Variants in ANKRD44 observed in about 807,000 individuals in gnomAD.
The protein encoded by ANKRD44 is ankyrin repeat domain 44.
A neutral mutation model predicts 116.0 loss-of-function variants in ANKRD44; 35 were observed. The observed-to-expected ratio is 0.30, with a 90% CI of 0.23 to 0.40. ANKRD44 has a LOEUF of 0.40. ANKRD44 is among the 10% of genes least tolerant of loss of function. The probability of loss-of-function intolerance (pLI) is 1.00; values close to 1 mark genes in which losing one functional copy is unlikely to be tolerated. For missense variants in ANKRD44, 1,014 were observed against 1,242.6 expected, an observed-to-expected ratio of 0.82 and a Z score of 2.77; for synonymous variants, 435 against 461.8, an observed-to-expected ratio of 0.94 and a Z score of 0.74.
intron 25 of ANKRD44, 78 bp from the exon 26 acceptor site, chr2:196,995,539 T>G (rs537570192): frequency 1.8e-6 from 2 of 1,105,136 alleles, no homozygotes; most frequent in African/African-American, 3.1e-5. Flanking sequence ...CATTATGATT[T>G]AAATTGAAAA....
chr2:197,120,728 A>G (rs1321488305), intron 8 of ANKRD44, among the ~76,000 whole-genome samples: 1 of 152,110 alleles, frequency 6.6e-6, no homozygotes, highest in Non-Finnish European at 1.5e-5. Context: ...CAGGCCTACA[A>G]TCATTATTAG....
At chr2:197,303,299 G>A (rs1421897745) in intron 1 of ANKRD44, among the ~76,000 whole-genome samples, 1 of 152,202 alleles carries the variant, frequency 6.6e-6, no homozygotes, top group Non-Finnish European at 1.5e-5. Context: ...GTTAGAGCTT[G>A]GAAGAATTTA....
intron 1 of ANKRD44, among the ~76,000 whole-genome samples, chr2:197,258,270 C>CTTTTTT (rs71395680): frequency 1.1e-3 from 84 of 79,224 alleles, no homozygotes; most frequent in Admixed American, 1.7e-3. Flanking sequence ...TTGGCTAATC[C>CTTTTTT]TTTTTTTTTT....
intron 16 of ANKRD44, among the ~76,000 whole-genome samples, chr2:197,045,174 T>C (rs1574340828): frequency 6.6e-6 from 1 of 152,112 alleles, no homozygotes; most frequent in South Asian, 2.1e-4. Flanking sequence ...TTCATGGCTG[T>C]CTTGTCTTTG....
At position 197,182,631 on chromosome 2, in the gene ANKRD44, G is replaced by A. The variant is rs560893028; in HGVS notation, c.111+4392C>T. Among the ~76,000 whole-genome samples, 180 of 152,278 alleles carry A rather than the reference G, an allele frequency of 1.2e-3. 1 individual carries two copies. Among genetic ancestry groups the A allele is most frequent in the African/African-American group, 4.1e-3 (171 of 41,528 alleles). ...ATACAGTTTTCCCTCAGTATATGTG[G>A]GACATTGGTTCCAGGACCCCCACAT... On this transcript the variant is annotated intron_variant, in intron 2 of 27. Coordinates refer to ENST00000282272, the MANE Select transcript of ANKRD44 (RefSeq NM_001195144.2).
chr2:197,208,632 C>G (rs1377746350), intron 1 of ANKRD44, among the ~76,000 whole-genome samples: 1 of 151,974 alleles, frequency 6.6e-6, no homozygotes, highest in Non-Finnish European at 1.5e-5. Flanking sequence ...AACCCCGTCT[C>G]TACTAAAAAT....
intron 16 of ANKRD44, among the ~76,000 whole-genome samples, chr2:197,069,168 A>C (rs990776356): frequency 8.5e-5 from 13 of 152,126 alleles, no homozygotes; most frequent in Non-Finnish European, 1.6e-4. Context: ...TGAAGCTGGA[A>C]ACCATCATTC....
intron 17 of ANKRD44, among the ~76,000 whole-genome samples, chr2:197,022,889 C>G (rs1290800122): frequency 2.6e-5 from 4 of 152,182 alleles, no homozygotes; most frequent in African/African-American, 9.7e-5. Context: ...TCTCCCTGAT[C>G]CCATTTCATT....
At chr2:197,145,422 C>T (rs981782649) in intron 3 of ANKRD44, among the ~76,000 whole-genome samples, 4 of 152,144 alleles carry the variant, frequency 2.6e-5, no homozygotes, top group Non-Finnish European at 5.9e-5. Flanking sequence ...CTACAATTTT[C>T]CACGGGCCAA....
intron 20 of ANKRD44, 64 bp downstream of exon 20, chr2:197,007,742 G>A (rs2076225659): frequency 1.8e-6 from 2 of 1,084,218 alleles, no homozygotes; most frequent in African/African-American, 3.2e-5. Flanking sequence ...GTAATTGTTT[G>A]CTAAAAAAGA....
intron 16 of ANKRD44, among the ~76,000 whole-genome samples, chr2:197,027,520 G>C (rs2076619927): frequency 6.6e-6 from 1 of 152,052 alleles, no homozygotes; most frequent in African/African-American, 2.4e-5. Flanking sequence ...AAGCTGGAGA[G>C]ATGAGGAGGA....
intron 4 of ANKRD44, among the ~76,000 whole-genome samples, chr2:197,131,514 C>T (rs1175447323): frequency 1.3e-5 from 2 of 152,158 alleles, no homozygotes; most frequent in African/African-American, 2.4e-5. Flanking sequence ...AATAAACACT[C>T]GTAACTACAA....
intron 1 of ANKRD44, 140 bp downstream of exon 1, chr2:197,310,438 A>C: frequency 2.1e-6 from 1 of 466,278 alleles, no homozygotes; most frequent in Non-Finnish European, 2.8e-6. Context: ...TCTCGGAGGC[A>C]CCGGCGGCCG....
At chr2:196,989,973 T>C in intron 27 of ANKRD44, 6 of 1,038,780 alleles carry the variant, frequency 5.8e-6, no homozygotes, top group Non-Finnish European at 7.0e-6. Context: ...GAAATGTTAT[T>C]AGATAAATTT....
intron 16 of ANKRD44, among the ~76,000 whole-genome samples, chr2:197,055,250 C>T (rs1018479783): frequency 2.0e-5 from 3 of 152,096 alleles, no homozygotes; most frequent in African/African-American, 7.2e-5. Context: ...TTGTGAAGTG[C>T]CTGTTCAAGT....
At chr2:197,269,354 C>G (rs2082833260) in intron 1 of ANKRD44, among the ~76,000 whole-genome samples, 1 of 152,168 alleles carries the variant, frequency 6.6e-6, no homozygotes, top group African/African-American at 2.4e-5. Flanking sequence ...TACTCATAAC[C>G]AGAAGGCTGT....
intron 9 of ANKRD44, among the ~76,000 whole-genome samples, chr2:197,103,804 T>C (rs1054080503): frequency 1.3e-5 from 2 of 152,164 alleles, no homozygotes; most frequent in African/African-American, 4.8e-5. Context: ...AGTACTAGTA[T>C]TTTGGAATAT....
chr2:197,236,050 G>A (rs1317068631), intron 1 of ANKRD44, among the ~76,000 whole-genome samples: 1 of 152,192 alleles, frequency 6.6e-6, no homozygotes, highest in East Asian at 1.9e-4. Flanking sequence ...AACAGGACCA[G>A]AGGAAATCGT....
At chr2:197,241,631 A>T (rs945411992) in intron 1 of ANKRD44, among the ~76,000 whole-genome samples, 7 of 152,338 alleles carry the variant, frequency 4.6e-5, no homozygotes, top group Admixed American at 4.6e-4. Flanking sequence ...TTTAAAAAAA[A>T]CATTTGAATC....
Sources: allele counts gnomAD v4.1 joint callset (sites outside exome capture counted in the v4.1 genomes callset), GRCh38; gene constraint gnomAD v4.1.1; transcripts MANE v1.5; gene names NCBI Gene and HGNC (gene_info 2026-07-23, HGNC 2026-07-21).